Variants in SLX4 observed in about 807,000 individuals in gnomAD.
The protein encoded by SLX4 is structure-specific endonuclease subunit SLX4.
SLX4 carries 112 observed loss-of-function variants against 146.2 expected under a neutral mutation model. The observed-to-expected ratio is 0.77, with a 90% CI of 0.66 to 0.90. The LOEUF (loss-of-function observed/expected upper bound fraction) is 0.90. SLX4 is among the 40% of genes least tolerant of loss of function. The pLI is 0.00. For missense variants in SLX4, 2,563 were observed against 2,392.7 expected (o/e 1.07, Z -1.49); for synonymous variants, 1,061 against 997.7 (o/e 1.06, Z -1.20).
At position 3,589,444 on chromosome 16, in the gene SLX4, A is replaced by T. The variant is rs1596520258; in HGVS notation, c.4194T>A (p.Ser1398Arg). The change falls in exon 12 of 15, where the codon AGT (serine) becomes AGA (arginine). Residue 1398 changes from serine (S) to arginine (R), a missense_variant. Ser to Arg is a moderately radical substitution (Grantham distance 110). Coordinates refer to ENST00000294008, the MANE Select transcript of SLX4 (RefSeq NM_032444.4). The surrounding 1 kb of genome is among the most constrained non-coding windows in gnomAD (Gnocchi z 6.2). ...PAGEVVEVGDSDDEQEVASHQ... is the reference protein window; with the variant it reads ...PAGEVVEVGDRDDEQEVASHQ... ...GGGAGGCCACCTCCTGCTCATCGTCACTGTCTCCGACTTCCACCACTTCAC... is the reference window on the plus strand; with the variant it reads ...GGGAGGCCACCTCCTGCTCATCGTCTCTGTCTCCGACTTCCACCACTTCAC... 1.2e-6 allele frequency: 2 copies of T among 1,604,474 alleles called. No individual in the cohort carries two copies. The highest frequency in any genetic ancestry group is 1.7e-6 in the Non-Finnish European group (2 of 1,172,580).
intron 1 of SLX4, among the ~76,000 whole-genome samples, chr16:3,609,866 A>AG (rs2151140874): frequency 6.6e-6 from 1 of 152,356 alleles, no homozygotes; most frequent in East Asian, 1.9e-4. Flanking sequence ...GTCACCACAG[A>AG]AACAGGATGA....
At chr16:3,585,361 C>T (rs967196431) in intron 12 of SLX4, among the ~76,000 whole-genome samples, 5 of 151,936 alleles carry the variant, frequency 3.3e-5, no homozygotes, top group African/African-American at 7.3e-5. Context: ...CCGAGGTGGG[C>T]GGATCACGAG....
In SLX4 at chr16:3,609,318, G is replaced by A; in HGVS notation, c.-354C>T. On this transcript the variant is annotated 5_prime_UTR_variant, in exon 2 of 15. Transcript: ENST00000294008. ...AGCTACTCGGGAGGCAGAGGCAAGAGAATCGCTTGAACCTGGGAGGCGGAG... is the reference window on the plus strand; with the variant it reads ...AGCTACTCGGGAGGCAGAGGCAAGAAAATCGCTTGAACCTGGGAGGCGGAG... 1 of 262,530 alleles carries A rather than the reference G, an allele frequency of 3.8e-6. No individual in the cohort carries two copies. Among genetic ancestry groups the A allele is most frequent in the East Asian group, 7.4e-5 (1 of 13,542 alleles). The allele number at this position is 262,530 out of a possible 1,614,324, so 16.3% of individuals were successfully genotyped here.
chr16:3,591,319 C>A lies in SLX4; in HGVS notation c.2328-9G>T, dbSNP rs73505419. ...GCTCACTCACGCCAAACCTGCAACACGAAACATCGACAGTCATCGCCCCTC... is the reference window on the plus strand; with the variant it reads ...GCTCACTCACGCCAAACCTGCAACAAGAAACATCGACAGTCATCGCCCCTC... On this transcript the variant is annotated splice_polypyrimidine_tract_variant and intron_variant, in intron 11 of 14. Coordinates refer to ENST00000294008, the MANE Select transcript of SLX4 (RefSeq NM_032444.4). 5 of 1,609,616 alleles carry A rather than the reference C, an allele frequency of 3.1e-6. No individual in the cohort carries two copies. Among genetic ancestry groups the A allele is most frequent in the South Asian group, 1.1e-5 (1 of 91,076 alleles).
chr16:3,609,673 A>G (rs1011212986), intron 1 of SLX4, 107 bp from the exon 2 acceptor site: 1 of 152,532 alleles, frequency 6.6e-6, no homozygotes, highest in African/African-American at 2.4e-5. Context: ...TCTTCGGAGT[A>G]ACAATACTGT....
rs1198701950 is a variant in SLX4, at chr16:3,582,681, A to G, written c.5166T>C (p.Cys1722=). 2 of 1,612,150 alleles carry G rather than the reference A, an allele frequency of 1.2e-6. No individual in the cohort carries two copies. The highest frequency in any genetic ancestry group is 2.7e-5 in the African/African-American group (2 of 75,030). Residue 1722 remains cysteine (C), a synonymous_variant, in exon 15 of 15, where the codon TGT becomes TGC. Coordinates refer to ENST00000294008, the MANE Select transcript of SLX4 (RefSeq NM_032444.4). ...SSLSSQSSSS[C]EFGAAFESAG... is the part of the protein sequence containing the mutation. ...CAGACTCAAATGCCGCTCCAAACTC[A>G]CAGGAGGAAGAACTGAAAAGAGCCA...
chr16:3,586,808 G>C (rs12448212), intron 12 of SLX4, among the ~76,000 whole-genome samples: 15,828 of 148,748 alleles, frequency 0.11, 1,137 homozygotes, highest in Non-Finnish European at 0.15. Context: ...ACAGAGAGAG[G>C]CTCCGTCTCA....
intron 9 of SLX4, 141 bp from the exon 10 acceptor site, chr16:3,594,740 TC>T: frequency 9.0e-7 from 1 of 1,112,850 alleles, no homozygotes; most frequent in Non-Finnish European, 1.3e-6. Context: ...CCAAAACGCT[TC>T]CCACGATGGC....
At chr16:3,602,720 C>T (rs2040741407) in intron 3 of SLX4, among the ~76,000 whole-genome samples, 1 of 152,214 alleles carries the variant, frequency 6.6e-6, no homozygotes, top group South Asian at 2.1e-4. Context: ...GTTCACAAGG[C>T]TCATATTCCA....
chr16:3,601,872 T>C, intron 4 of SLX4: 1 of 495,006 alleles, frequency 2.0e-6, no homozygotes, highest in Non-Finnish European at 3.7e-6. Flanking sequence ...AATCCAGAAG[T>C]GATTGTGGTG....
In SLX4 at chr16:3,590,301, C is replaced by G. The variant is rs772246820; in HGVS notation, c.3337G>C (p.Gly1113Arg). ...RRSVLECRNK[G>R]VLMFPEKSPS... The stretch of plus-strand genomic sequence containing the variant: ...GATTTTTCTGGGAACATCAGGACCC[C>G]CTTATTTCTGCACTCCAGCACGGAC... Residue 1113 changes from glycine (G) to arginine (R), a missense_variant, in exon 12 of 15, where the codon GGG becomes CGG. Transcript: ENST00000294008. The surrounding 1 kb of genome is among the most constrained non-coding windows in gnomAD (Gnocchi z 4.8). 4 of 1,614,060 alleles carry G rather than the reference C, an allele frequency of 2.5e-6. No homozygotes were observed. Among genetic ancestry groups the G allele is most frequent in the Middle Eastern group, 1.7e-4 (1 of 6,060 alleles).
intron 2 of SLX4, among the ~76,000 whole-genome samples, chr16:3,607,718 T>C (rs764340899): frequency 2.1e-4 from 32 of 151,976 alleles, no homozygotes; most frequent in Admixed American, 3.9e-4. Flanking sequence ...TCAATAACAA[T>C]AACAAAGGAA....
At position 3,608,639 on chromosome 16, in the gene SLX4, T is replaced by C. The variant is rs750986475; in HGVS notation, c.326A>G (p.Lys109Arg). The C allele has an allele frequency of 5.0e-6, 8 of 1,614,234 alleles. No individual in the cohort carries two copies. Among genetic ancestry groups the C allele is most frequent in the Non-Finnish European group, 6.8e-6 (8 of 1,180,040 alleles). The change falls in exon 2 of 15, where the codon AAG becomes AGG. Residue 109 changes from lysine (K) to arginine (R), a missense_variant. By Grantham distance (26) the Lys-to-Arg change is conservative. Coordinates refer to ENST00000294008, the MANE Select transcript of SLX4 (RefSeq NM_032444.4). ...GGCCTGGCTGCCAGACGGAGGTTTC[T>C]TCTCTGCAGGGCCTTGAAGGGTTTT... ...KTKTLQGPAEKKPPSGSQAPR... is the reference protein window; with the variant it reads ...KTKTLQGPAERKPPSGSQAPR...
chr16:3,591,694 G>A (rs547712480), intron 11 of SLX4, among the ~76,000 whole-genome samples: 1 of 152,272 alleles, frequency 6.6e-6, no homozygotes, highest in South Asian at 2.1e-4. Flanking sequence ...ACTTTGGGAA[G>A]CCGAGGATCA....
chr16:3,601,700 A>T (rs1297343062), intron 4 of SLX4: 1 of 310,694 alleles, frequency 3.2e-6, no homozygotes, highest in African/African-American at 2.2e-5. Context: ...CTCAAAAACA[A>T]CATATTAAGT....
At chr16:3,583,044 C>CA (rs2040458848) in intron 14 of SLX4, 53 bp downstream of exon 14, 1 of 1,607,760 alleles carries the variant, frequency 6.2e-7, no homozygotes, top group African/African-American at 1.3e-5. Context: ...CCCTCACGCC[C>CA]ACGGGCCAGA....
chr16:3,606,804 T>C (rs2040790933), intron 2 of SLX4, 106 bp from the exon 3 acceptor site: 2 of 1,220,950 alleles, frequency 1.6e-6, no homozygotes, highest in East Asian at 2.4e-5. Flanking sequence ...CTTTATCAAC[T>C]AGTTTAGGTT....
chr16:3,582,330 G>A lies in SLX4; in HGVS notation c.*12C>T, dbSNP rs753389082. On this transcript the variant is annotated 3_prime_UTR_variant, in exon 15 of 15. Transcript: ENST00000294008. The stretch of plus-strand genomic sequence containing the variant: ...GCTGATGGCAGGTTGGGGTGGGGTC[G>A]GGATGGCCCCATCAGTTCCGCTCCA... The A allele has an allele frequency of 1.7e-5, 28 of 1,605,918 alleles. No individual in the cohort carries two copies. Among genetic ancestry groups the A allele is most frequent in the Admixed American group, 6.7e-5 (4 of 59,986 alleles).
intron 5 of SLX4, chr16:3,600,590 G>GTTTTTTTTTTT (rs1567175331): frequency 6.4e-6 from 1 of 155,794 alleles, no homozygotes; most frequent in African/African-American, 3.8e-5. Flanking sequence ...ACTATAAAAA[G>GTTTTTTTTTTT]CTTTTTTTTT....
Sources: gnomAD v4.1 joint callset for allele counts (sites outside exome capture counted in the v4.1 genomes callset) on GRCh38, gnomAD v4.1.1 for gene constraint, Gnocchi (gnomAD v3.1) non-coding constraint, MANE v1.5 for transcripts, NCBI Gene and HGNC (gene_info 2026-07-23, HGNC 2026-07-21) for gene names.